The following NMD3 variants were observed in gnomAD, a reference collection of about 807,000 sequenced individuals.
NMD3 encodes NMD3 ribosome export adaptor.
Under a neutral mutation model 73.1 loss-of-function variants are expected in NMD3, and 47 were observed. The observed-to-expected ratio is 0.64, with a 90% CI of 0.51 to 0.82. The LOEUF is 0.82. Among genes scored for constraint, NMD3 ranks in the 40% least tolerant of loss-of-function variants. The probability of loss-of-function intolerance (pLI) is 0.00; values close to 1 mark genes in which losing one functional copy is unlikely to be tolerated. For missense variants in NMD3, 554 were observed against 612.5 expected, an observed-to-expected ratio of 0.90 and a Z score of 1.01; for synonymous variants, 210 against 194.5, an observed-to-expected ratio of 1.08 and a Z score of -0.66.
intron 2 of NMD3, 140 bp from the exon 3 acceptor site, chr3:161,224,790 T>A (rs908353554): frequency 2.5e-5 from 19 of 768,758 alleles, no homozygotes; most frequent in Non-Finnish European, 3.8e-5. Context: ...TGGCCCAGGT[T>A]GCTTTGTTTC....
intron 4 of NMD3, among the ~76,000 whole-genome samples, chr3:161,231,938 T>C (rs1181025242): frequency 6.6e-6 from 1 of 151,754 alleles, no homozygotes; most frequent in African/African-American, 2.4e-5. Context: ...GTATGGGAAA[T>C]AGGGGTGACT....
chr3:161,225,387 A>G lies in NMD3; in HGVS notation c.179+323A>G, dbSNP rs192639875. Among the ~76,000 whole-genome samples, 364 of 152,262 alleles carry G rather than the reference A, an allele frequency of 2.4e-3. 2 individuals are homozygous for G. Among genetic ancestry groups the G allele is most frequent in the African/African-American group, 8.3e-3 (344 of 41,558 alleles). ...AGATTATTGAGGACATATTGTTATT[A>G]TGAGGTTTTTTTTTCTTTAGTTATT... On this transcript the variant is annotated intron_variant, in intron 3 of 15. Coordinates refer to ENST00000351193, the MANE Select transcript of NMD3 (RefSeq NM_015938.5).
chr3:161,236,132 T>C (rs977211967), intron 7 of NMD3, among the ~76,000 whole-genome samples: 1 of 152,148 alleles, frequency 6.6e-6, no homozygotes, highest in Admixed American at 6.5e-5. Flanking sequence ...TAGCTGGTAC[T>C]TATAGCTACC....
intron 2 of NMD3, among the ~76,000 whole-genome samples, chr3:161,223,589 T>C (rs1158552893): frequency 2.0e-5 from 3 of 152,272 alleles, no homozygotes; most frequent in Admixed American, 6.5e-5. Context: ...TCCAGAGATA[T>C]ACTTGAAGAA....
At chr3:161,222,084 C>G (rs780141087) in intron 2 of NMD3, 27 bp downstream of exon 2, 3 of 1,599,582 alleles carry the variant, frequency 1.9e-6, no homozygotes, top group Non-Finnish European at 2.6e-6. Context: ...TTCCTTCCCC[C>G]TTAAATGTGA....
intron 13 of NMD3, 52 bp downstream of exon 13, chr3:161,247,382 A>G: frequency 9.1e-7 from 1 of 1,101,666 alleles, no homozygotes. Context: ...GATGAATGTA[A>G]CTCTTAGGGG....
At chr3:161,228,516 T>C (rs1736414616) in intron 4 of NMD3, among the ~76,000 whole-genome samples, 1 of 152,168 alleles carries the variant, frequency 6.6e-6, no homozygotes, top group Non-Finnish European at 1.5e-5. Flanking sequence ...TTTAAGTTTT[T>C]CTGAAGATTT....
At chr3:161,233,187 T>C (rs1736607407) in intron 4 of NMD3, among the ~76,000 whole-genome samples, 1 of 152,172 alleles carries the variant, frequency 6.6e-6, no homozygotes, top group Admixed American at 6.5e-5. Context: ...ATTATATCAG[T>C]TGCATTAATA....
intron 13 of NMD3, among the ~76,000 whole-genome samples, 199 bp downstream of exon 13, chr3:161,247,529 G>A (rs1356025791): frequency 2.7e-5 from 4 of 149,248 alleles, no homozygotes; most frequent in Admixed American, 2.7e-4. Flanking sequence ...GCTCAAGCCT[G>A]TAATCCCAGC....
chr3:161,226,191 C>T (rs892641044), intron 3 of NMD3, among the ~76,000 whole-genome samples: 1 of 152,084 alleles, frequency 6.6e-6, no homozygotes, highest in African/African-American at 2.4e-5. Context: ...TGGTGGCTCA[C>T]GCCTGTAATC....
chr3:161,229,637 T>A (rs1736457453), intron 4 of NMD3, among the ~76,000 whole-genome samples: 1 of 152,138 alleles, frequency 6.6e-6, no homozygotes, highest in Non-Finnish European at 1.5e-5. Flanking sequence ...GTATTTAAGG[T>A]CATGAATTGG....
At chr3:161,221,568 G>A (rs1736081640) in intron 1 of NMD3, 159 bp downstream of exon 1, 1 of 153,286 alleles carries the variant, frequency 6.5e-6, no homozygotes. Flanking sequence ...CGGCGTGGGT[G>A]GCCCTCGGGC....
At chr3:161,242,183 T>C (rs1021221917) in intron 10 of NMD3, among the ~76,000 whole-genome samples, 9 of 152,144 alleles carry the variant, frequency 5.9e-5, no homozygotes, top group African/African-American at 2.2e-4. Flanking sequence ...AGGTGACAGA[T>C]ACGTTTCTAA....
intron 4 of NMD3, among the ~76,000 whole-genome samples, chr3:161,231,251 T>C (rs1031933038): frequency 6.6e-5 from 10 of 152,232 alleles, no homozygotes; most frequent in African/African-American, 2.4e-4. Context: ...TTGAAAGATA[T>C]TTGGTGCCCA....
At chr3:161,230,511 T>C (rs1017028883) in intron 4 of NMD3, among the ~76,000 whole-genome samples, 2 of 152,202 alleles carry the variant, frequency 1.3e-5, no homozygotes, top group South Asian at 2.1e-4. Flanking sequence ...CGGAGGGAAA[T>C]TTTTGTGAAA....
chr3:161,227,883 T>C (rs1021154989), intron 4 of NMD3, among the ~76,000 whole-genome samples: 7 of 152,188 alleles, frequency 4.6e-5, no homozygotes, highest in Non-Finnish European at 7.3e-5. Context: ...TTTTTTTCCT[T>C]TGTTATTTAT....
At chr3:161,252,816 G>C, downstream of NMD3, 1 of 694,222 alleles carries the variant, frequency 1.4e-6, no homozygotes, top group Non-Finnish European at 2.6e-6. Flanking sequence ...AGTCACTGAG[G>C]GGCCAAGTGT....
At chr3:161,246,258 A>G in intron 11 of NMD3, 78 bp from the exon 12 acceptor site, 1 of 539,064 alleles carries the variant, frequency 1.9e-6, no homozygotes, top group Non-Finnish European at 3.1e-6. Flanking sequence ...AAAAATCAAT[A>G]TTGTATTTAA....
chr3:161,222,120 C>A, intron 2 of NMD3, 63 bp downstream of exon 2: 1 of 1,349,660 alleles, frequency 7.4e-7, no homozygotes, highest in Non-Finnish European at 1.1e-6. Flanking sequence ...CCGGGAAACT[C>A]ACTATGGAGA....
Sources: gnomAD v4.1 joint callset for allele counts (sites outside exome capture counted in the v4.1 genomes callset) on GRCh38, gnomAD v4.1.1 for gene constraint, MANE v1.5 for transcripts, NCBI Gene and HGNC (gene_info 2026-07-23, HGNC 2026-07-21) for gene names.